Variants in FILIP1L observed in about 807,000 individuals in gnomAD.
FILIP1L encodes filamin A-interacting protein 1-like.
Under a neutral mutation model 96.6 loss-of-function variants are expected in FILIP1L, and 55 were observed. The observed-to-expected ratio is 0.57, with a 90% CI of 0.46 to 0.71. The LOEUF is 0.71. Ranked by LOEUF, FILIP1L falls within the 30% of genes least tolerant of loss-of-function variation. The pLI is 0.00. For missense variants in FILIP1L, 1,304 were observed against 1,321.2 expected (o/e 0.99, Z 0.20); for synonymous variants, 467 against 473.9 (o/e 0.99, Z 0.19).
chr3:99,941,821 T>C (rs1707858067), intron 1 of FILIP1L, among the ~76,000 whole-genome samples: 2 of 152,292 alleles, frequency 1.3e-5, no homozygotes, highest in South Asian at 4.1e-4. Context: ...TGTTTTCATA[T>C]TTGTGAGGTG....
rs201280553 is a variant in FILIP1L, at chr3:99,931,016, C to T, written c.5G>A (p.Arg2His). 9.1e-5 allele frequency: 147 copies of T among 1,613,126 alleles called. 1 individual carries two copies. In the African/African-American group the frequency reaches 1.4e-3, roughly 16 times the overall value. The change falls in exon 2 of 6, where the codon CGT (arginine) becomes CAT (histidine). Residue 2 changes from arginine (R) to histidine (H), a missense_variant. By Grantham distance (29) the Arg-to-His change is conservative. Transcript: ENST00000477258. ...GCCCTCGGTATCACTGCCTCTGGAA[C>T]GCATTCTTTAAAGCCTGGAAGGAGG... The part of the protein sequence containing the change: M[R>H]SRGSDTEGSA...
At chr3:99,837,726 T>C (rs909532884) in intron 5 of FILIP1L, among the ~76,000 whole-genome samples, 1 of 152,228 alleles carries the variant, frequency 6.6e-6, no homozygotes, top group African/African-American at 2.4e-5. Flanking sequence ...AAAAATGATT[T>C]TGGGAGTGCC....
At chr3:99,932,510 G>T (rs555483327) in intron 1 of FILIP1L, among the ~76,000 whole-genome samples, 13 of 151,686 alleles carry the variant, frequency 8.6e-5, no homozygotes, top group Non-Finnish European at 1.6e-4. Flanking sequence ...TCAAAAAAAT[G>T]CTACTTCAAA....
intron 1 of FILIP1L, among the ~76,000 whole-genome samples, chr3:100,049,125 TCTTTC>T (rs2065327374): frequency 6.6e-6 from 1 of 152,268 alleles, no homozygotes; most frequent in Non-Finnish European, 1.5e-5. Context: ...CAAACAGTTC[TCTTTC>T]CTTGTTTTTT....
intron 1 of FILIP1L, among the ~76,000 whole-genome samples, chr3:100,010,501 T>G (rs1710113050): frequency 6.6e-6 from 1 of 152,144 alleles, no homozygotes; most frequent in Admixed American, 6.5e-5. Context: ...CTTCAGAGAA[T>G]CCAACTAAGA....
intron 1 of FILIP1L, among the ~76,000 whole-genome samples, chr3:100,065,410 C>T (rs1324379040): frequency 6.6e-6 from 1 of 152,174 alleles, no homozygotes; most frequent in Admixed American, 6.5e-5. Flanking sequence ...AGTAACTTTG[C>T]CTAAAATCAT....
rs1452321471 is a variant in FILIP1L, at chr3:99,829,546, CA to C, written c.*867del. Among the ~76,000 whole-genome samples, 1 of 152,140 alleles carries C rather than the reference CA, an allele frequency of 6.6e-6. No homozygotes were observed. The highest frequency in any genetic ancestry group is 1.5e-5 in the Non-Finnish European group (1 of 68,026). On this transcript the variant is annotated 3_prime_UTR_variant, in exon 6 of 6. Transcript: ENST00000477258. Reference sequence around the variant, plus strand: ...CTTTCCTGTTTTACATGTGGAAACTCAAGGCTTAGATTGATGAATGCAAAGC... The same window carrying C: ...CTTTCCTGTTTTACATGTGGAAACTCAGGCTTAGATTGATGAATGCAAAGC...
chr3:99,904,198 C>T (rs1212208029), intron 4 of FILIP1L, among the ~76,000 whole-genome samples: 1 of 152,156 alleles, frequency 6.6e-6, no homozygotes, highest in East Asian at 1.9e-4. Flanking sequence ...GCTTTCATTA[C>T]AATAAACAAA....
At chr3:100,108,325 TTAATGA>T (rs1028899232) in intron 1 of FILIP1L, among the ~76,000 whole-genome samples, 2 of 152,170 alleles carry the variant, frequency 1.3e-5, no homozygotes, top group African/African-American at 2.4e-5. Context: ...GTTTTCTATA[TTAATGA>T]TAATGATAAT....
At chr3:100,021,673 G>A (rs567862624) in intron 1 of FILIP1L, among the ~76,000 whole-genome samples, 1 of 152,220 alleles carries the variant, frequency 6.6e-6, no homozygotes, top group African/African-American at 2.4e-5. Context: ...TGTCTTGGTT[G>A]CTTATATTTT....
intron 5 of FILIP1L, among the ~76,000 whole-genome samples, chr3:99,835,265 T>C (rs1942849489): frequency 6.6e-6 from 1 of 152,224 alleles, no homozygotes; most frequent in African/African-American, 2.4e-5. Context: ...TTTATCCTCC[T>C]TATGCTACTT....
intron 4 of FILIP1L, among the ~76,000 whole-genome samples, chr3:99,888,223 A>G (rs184827997): frequency 2.0e-3 from 301 of 152,228 alleles, no homozygotes; most frequent in African/African-American, 6.8e-3. Flanking sequence ...TAGCTGTCAG[A>G]GGGCCAGGCA....
intron 3 of FILIP1L, among the ~76,000 whole-genome samples, chr3:99,927,968 A>T (rs1342705252): frequency 6.6e-6 from 1 of 152,204 alleles, no homozygotes; most frequent in Non-Finnish European, 1.5e-5. Flanking sequence ...TAAGAATTAG[A>T]TAAATCACCT....
chr3:99,969,119 G>T (rs1325977332), intron 1 of FILIP1L, among the ~76,000 whole-genome samples: 1 of 152,182 alleles, frequency 6.6e-6, no homozygotes, highest in Non-Finnish European at 1.5e-5. Context: ...GCCATGTGTG[G>T]AGGGCAGGGC....
intron 3 of FILIP1L, among the ~76,000 whole-genome samples, chr3:99,924,797 C>CA (rs1707238423): frequency 6.6e-6 from 1 of 152,218 alleles, no homozygotes; most frequent in Non-Finnish European, 1.5e-5. Flanking sequence ...GCTGGGATTA[C>CA]AGGCATGAGC....
chr3:100,103,713 C>G (rs2066347338), intron 1 of FILIP1L, among the ~76,000 whole-genome samples: 1 of 152,194 alleles, frequency 6.6e-6, no homozygotes, highest in South Asian at 2.1e-4. Context: ...ACAAACTGCC[C>G]CCTGGGAAAT....
intron 1 of FILIP1L, among the ~76,000 whole-genome samples, chr3:100,021,045 G>T (rs142582276): frequency 1.3e-5 from 2 of 152,168 alleles, no homozygotes; most frequent in Non-Finnish European, 2.9e-5. Flanking sequence ...GATTACAGGC[G>T]TGAGCCACCA....
At chr3:100,020,809 C>G (rs2064800932) in intron 1 of FILIP1L, among the ~76,000 whole-genome samples, 1 of 125,818 alleles carries the variant, frequency 7.9e-6, no homozygotes, top group African/African-American at 3.1e-5. Context: ...GCTCTGTTGC[C>G]AGGTTTGGAG....
In FILIP1L at chr3:99,848,357, CT is replaced by C; in HGVS notation, c.3318del (p.Val1107SerfsTer69). On this transcript the variant is annotated frameshift_variant, in exon 5 of 6. Transcript: ENST00000477258. LOFTEE classifies it high-confidence loss of function. ...GGTGTGATAGTAATACTGCTGGTGA[CT>C]TTATTGGTTGTTTTGTTTAGTGCCC... ...INGALNKTTN[K>X]VTSSITITPT... The C allele has an allele frequency of 6.2e-7, 1 of 1,614,094 alleles. No individual in the cohort carries two copies.
Sources: gnomAD v4.1 joint callset for allele counts (sites outside exome capture counted in the v4.1 genomes callset) on GRCh38, gnomAD v4.1.1 for gene constraint, MANE v1.5 for transcripts, NCBI Gene and HGNC (gene_info 2026-07-23, HGNC 2026-07-21) for gene names.